SND1: variants seen among roughly 807,000 people sequenced by gnomAD.
SND1 encodes staphylococcal nuclease domain-containing protein 1.
A neutral mutation model predicts 121.7 loss-of-function variants in SND1; 38 were observed. That is an observed-to-expected ratio of 0.31 (90% CI 0.24 to 0.41). SND1 has a LOEUF of 0.41. Among genes scored for constraint, SND1 ranks in the 10% least tolerant of loss-of-function variants. The pLI, the probability that SND1 is intolerant of heterozygous loss-of-function variation, is 1.00. For synonymous variants in SND1, 401 were observed against 447.4 expected (o/e 0.90, Z 1.31); for missense variants, 868 against 1,184.6 (o/e 0.73, Z 3.92).
intron 1 of SND1, among the ~76,000 whole-genome samples, chr7:127,683,851 A>G (rs1362257111): frequency 6.6e-6 from 1 of 152,232 alleles, no homozygotes; most frequent in Non-Finnish European, 1.5e-5. Context: ...CATCTCCGTA[A>G]CATTGATTCA....
At chr7:128,033,789 G>A (rs562864692) in intron 16 of SND1, among the ~76,000 whole-genome samples, 5 of 152,192 alleles carry the variant, frequency 3.3e-5, no homozygotes, top group Non-Finnish European at 7.3e-5. Context: ...GTAAGTGATA[G>A]TGGATTTGAG....
chr7:127,705,700 G>T (rs1796179700), intron 8 of SND1, among the ~76,000 whole-genome samples: 1 of 152,068 alleles, frequency 6.6e-6, no homozygotes, highest in Non-Finnish European at 1.5e-5. Context: ...AACAATAGAT[G>T]AATGGAAATG....
chr7:128,032,348 CCCCCTCTAGACGAGCGGAGCGGG>C (rs1792650242), intron 16 of SND1, among the ~76,000 whole-genome samples: 1 of 151,446 alleles, frequency 6.6e-6, no homozygotes, highest in Non-Finnish European at 1.5e-5. Context: ...TTCCTCCCCG[CCCCCTCTAGACGAGCGGAGCGGG>C]GCCAGGGCGA....
intron 15 of SND1, among the ~76,000 whole-genome samples, chr7:127,988,414 T>G (rs1294405371): frequency 6.6e-6 from 1 of 152,228 alleles, no homozygotes; most frequent in Non-Finnish European, 1.5e-5. Flanking sequence ...GGAAGTGGAC[T>G]AGCAACGTAA....
chr7:127,666,448 T>A (rs936593110), intron 1 of SND1, among the ~76,000 whole-genome samples: 1 of 152,066 alleles, frequency 6.6e-6, no homozygotes, highest in African/African-American at 2.4e-5. Context: ...GAAAATTGAT[T>A]TTTGGAAGTG....
intron 11 of SND1, among the ~76,000 whole-genome samples, chr7:127,814,735 A>G (rs1238035540): frequency 1.3e-5 from 2 of 152,136 alleles, no homozygotes; most frequent in African/African-American, 2.4e-5. Flanking sequence ...TCTTTTTGTT[A>G]TGCTCTGTAA....
chr7:127,732,394 C>T (rs998585272), intron 10 of SND1, among the ~76,000 whole-genome samples: 1 of 152,152 alleles, frequency 6.6e-6, no homozygotes, highest in African/African-American at 2.4e-5. Flanking sequence ...ACAATTTGGT[C>T]GTTCTATTAG....
chr7:128,078,671 T>C (rs1793547752), intron 17 of SND1, among the ~76,000 whole-genome samples: 1 of 152,262 alleles, frequency 6.6e-6, no homozygotes, highest in Admixed American at 6.5e-5. Flanking sequence ...CCTGATGCTG[T>C]CACCCAAGGC....
At chr7:127,917,303 A>G (rs34874680) in intron 14 of SND1, among the ~76,000 whole-genome samples, 1 of 152,150 alleles carries the variant, frequency 6.6e-6, no homozygotes, top group Non-Finnish European at 1.5e-5. Flanking sequence ...ATTTCTAACT[A>G]CTTTAGAAGT....
At chr7:127,982,041 G>A (rs573001608) in intron 15 of SND1, among the ~76,000 whole-genome samples, 2 of 152,328 alleles carry the variant, frequency 1.3e-5, no homozygotes, top group Admixed American at 6.5e-5. Context: ...CGGGGATGTA[G>A]AGAGAAGTGG....
Position 127,761,811 on chromosome 7 carries a change from A to G in SND1, c.1152+40411A>G, listed in dbSNP as rs1276972490. Reference sequence around the variant, plus strand: ...TTACCATTTTTTAGTTTTCCTTTGAAGGTGCATCTTCCGTATAGCAGTATG... The same window carrying G: ...TTACCATTTTTTAGTTTTCCTTTGAGGGTGCATCTTCCGTATAGCAGTATG... On this transcript the variant is annotated intron_variant, in intron 10 of 23. Coordinates refer to ENST00000354725, the MANE Select transcript of SND1 (RefSeq NM_014390.4). 2.0e-5 allele frequency among the ~76,000 whole-genome samples: 3 copies of G among 152,192 alleles called. No individual in the cohort carries two copies. In the East Asian group the frequency reaches 5.8e-4, roughly 29 times the overall value.
chr7:127,882,868 C>T (rs987583898), intron 12 of SND1, among the ~76,000 whole-genome samples: 4 of 152,072 alleles, frequency 2.6e-5, no homozygotes, highest in Admixed American at 2.0e-4. Context: ...TAATTCTACT[C>T]CAATTACACA....
At chr7:128,051,714 G>A (rs549717789) in intron 16 of SND1, among the ~76,000 whole-genome samples, 48 of 152,330 alleles carry the variant, frequency 3.2e-4, no homozygotes, top group African/African-American at 1.0e-3. Flanking sequence ...ATTCACTCGG[G>A]ATGGAAAGAA....
intron 16 of SND1, among the ~76,000 whole-genome samples, chr7:127,995,360 A>T (rs1181418449): frequency 6.6e-6 from 1 of 152,244 alleles, no homozygotes; most frequent in Admixed American, 6.5e-5. Flanking sequence ...ACCCACATAC[A>T]GCTGACTCTT....
At chr7:127,982,103 G>C (rs921563214) in intron 15 of SND1, among the ~76,000 whole-genome samples, 3 of 152,132 alleles carry the variant, frequency 2.0e-5, no homozygotes, top group African/African-American at 7.2e-5. Flanking sequence ...ATTAACAGGC[G>C]AACAACTATT....
intron 16 of SND1, 76 bp from the exon 17 acceptor site, chr7:128,074,426 C>G: frequency 6.9e-7 from 1 of 1,453,968 alleles, no homozygotes; most frequent in Non-Finnish European, 9.3e-7. Flanking sequence ...TTCGGCGCTG[C>G]TGTCCTCCCC....
intron 7 of SND1, among the ~76,000 whole-genome samples, chr7:127,704,269 G>A (rs750578250): frequency 6.6e-6 from 1 of 152,222 alleles, no homozygotes; most frequent in Non-Finnish European, 1.5e-5. Flanking sequence ...CATGATGGCA[G>A]TTGTGGAAGG....
intron 12 of SND1, among the ~76,000 whole-genome samples, chr7:127,871,723 A>G (rs1799590841): frequency 6.6e-6 from 1 of 152,170 alleles, no homozygotes. Context: ...ATGATAAACA[A>G]TCTTGTTGGC....
chr7:127,821,585 G>A (rs1021505798), intron 11 of SND1, among the ~76,000 whole-genome samples: 47 of 151,994 alleles, frequency 3.1e-4, no homozygotes, highest in Admixed American at 2.3e-3. Flanking sequence ...TCAGGCAAAG[G>A]TACTTTTCCT....
Sources: allele counts gnomAD v4.1 joint callset (sites outside exome capture counted in the v4.1 genomes callset), GRCh38; gene constraint gnomAD v4.1.1; transcripts MANE v1.5; gene names NCBI Gene and HGNC (gene_info 2026-07-23, HGNC 2026-07-21).